DDB1: variants seen among roughly 807,000 people sequenced by gnomAD.
DDB1 encodes the protein damage specific DNA binding protein 1.
A neutral mutation model predicts 133.1 loss-of-function variants in DDB1; 18 were observed. The observed-to-expected ratio is 0.14, with a 90% CI of 0.09 to 0.20. DDB1 has a LOEUF of 0.20. Ranked by LOEUF, DDB1 falls within the 10% of genes least tolerant of loss-of-function variation. The pLI is 1.00. For synonymous variants in DDB1, 580 were observed against 550.5 expected (o/e 1.05, Z -0.75); for missense variants, 828 against 1,459.2 (o/e 0.57, Z 7.05).
In DDB1 at chr11:61,326,905, A is replaced by G. The variant is rs200189082; in HGVS notation, c.550-12T>C. 2.0e-5 allele frequency: 32 copies of G among 1,604,056 alleles called. No homozygotes were observed. Among genetic ancestry groups the G allele is most frequent in the Non-Finnish European group, 2.7e-5 (32 of 1,170,946 alleles). On this transcript the variant is annotated splice_polypyrimidine_tract_variant and intron_variant, in intron 4 of 26. Coordinates refer to ENST00000301764, the MANE Select transcript of DDB1 (RefSeq NM_001923.5). ...CGCCCCTGAGGGTCCTGGGGGGGAA[A>G]GGTAAAATGGTTAGCCCTTAGGAAG...
At chr11:61,332,178 A>C (rs1005092825) in intron 1 of DDB1, 1 of 160,526 alleles carries the variant, frequency 6.2e-6, no homozygotes. Flanking sequence ...GCAGTCTACC[A>C]ATACCTCCAT....
At chr11:61,303,334 T>C (rs533070053) in intron 22 of DDB1, 179 bp from the exon 23 acceptor site, 2 of 573,182 alleles carry the variant, frequency 3.5e-6, no homozygotes, top group Admixed American at 3.1e-5. Flanking sequence ...ACGCAGCCCA[T>C]TTGGTTGCCA....
intron 3 of DDB1, 75 bp from the exon 4 acceptor site, chr11:61,329,659 G>A (rs1856333276): frequency 1.4e-6 from 2 of 1,417,488 alleles, no homozygotes; most frequent in Non-Finnish European, 1.9e-6. Flanking sequence ...CACCACTTGT[G>A]CAGAAAAATT....
In DDB1 at chr11:61,332,981, A is replaced by T; in HGVS notation, c.-13T>A. 6.7e-7 allele frequency: 1 copy of T among 1,502,754 alleles called. No individual in the cohort carries two copies. The highest frequency in any genetic ancestry group is 8.9e-7 in the Non-Finnish European group (1 of 1,117,822). The allele number at this position is 1,502,754 out of a possible 1,614,324, so 93.1% of individuals were successfully genotyped here. A position where few individuals can be genotyped will look rare whatever the true frequency, so the allele number is the denominator to read the frequency against. ...AGTTGTACGACATGTCGAGGCTTGGAGCGGCCCGTCGGGACTCGAGCGCGA... is the reference window on the plus strand; with the variant it reads ...AGTTGTACGACATGTCGAGGCTTGGTGCGGCCCGTCGGGACTCGAGCGCGA... On this transcript the variant is annotated 5_prime_UTR_variant, in exon 1 of 27. Coordinates refer to ENST00000301764, the MANE Select transcript of DDB1 (RefSeq NM_001923.5).
rs146394965 is a variant in DDB1 at position 61,299,796 on chromosome 11, TAC to T, written c.*338_*339del. 0.011 allele frequency: 3,903 copies of T among 348,800 alleles called. 4 individuals carry two copies. The highest frequency in any genetic ancestry group is 0.016 in the Middle Eastern group (18 of 1,096). The allele number at this position is 348,800 out of a possible 1,614,324, so 21.6% of individuals were successfully genotyped here. On this transcript the variant is annotated 3_prime_UTR_variant, in exon 27 of 27. Transcript: ENST00000301764. ...TGAGATACACATACACACACACACATACACACACACACACGCACAGCTTCCTT... is the reference window on the plus strand; with the variant it reads ...TGAGATACACATACACACACACACATACACACACACACGCACAGCTTCCTT...
At chr11:61,304,167 G>C in intron 21 of DDB1, 132 bp from the exon 22 acceptor site, 1 of 830,228 alleles carries the variant, frequency 1.2e-6, no homozygotes, top group South Asian at 1.8e-5. Context: ...GGTTTTATGA[G>C]GCACTGGGGT....
At chr11:61,317,910 T>TA (rs1856118216) in intron 10 of DDB1, among the ~76,000 whole-genome samples, 1 of 152,206 alleles carries the variant, frequency 6.6e-6, no homozygotes, top group Non-Finnish European at 1.5e-5. Flanking sequence ...AGCCTTCTGG[T>TA]AAAGAGATGG....
chr11:61,313,466 T>C (rs770591627), intron 16 of DDB1, 33 bp downstream of exon 16: 81 of 1,588,350 alleles, frequency 5.1e-5, no homozygotes, highest in East Asian at 6.7e-5. Context: ...CCTCAATCAA[T>C]AGCTCTCATT....
At chr11:61,311,724 T>C in intron 18 of DDB1, 60 bp downstream of exon 18, 1 of 1,475,094 alleles carries the variant, frequency 6.8e-7, no homozygotes, top group African/African-American at 1.4e-5. Flanking sequence ...CTACCTGGCC[T>C]GTACAGAAAG....
In DDB1 at chr11:61,314,169, G is replaced by A; in HGVS notation, c.1631C>T (p.Thr544Ile). 6.2e-7 allele frequency: 1 copy of A among 1,612,330 alleles called. No individual in the cohort carries two copies. The highest frequency in any genetic ancestry group is 8.5e-7 in the Non-Finnish European group (1 of 1,179,180). Reference protein sequence around the residue: ...MEHEVACLDITPLGDSNGLSP... With the variant: ...MEHEVACLDIIPLGDSNGLSP... Reference sequence around the variant, plus strand: ...CAGTCCATTGCTGTCTCCTAATGGGGTGATGTCCAAGCAAGCCACTTCATG... The same window carrying A: ...CAGTCCATTGCTGTCTCCTAATGGGATGATGTCCAAGCAAGCCACTTCATG... The change falls in exon 14 of 27, where the codon ACC (threonine) becomes ATC (isoleucine). Residue 544 changes from threonine to isoleucine, a missense_variant. By Grantham distance (89) the Thr-to-Ile change is moderately conservative (BLOSUM62 -1). This residue lies in a region of DDB1 where 396 missense variants were observed against 554.1 expected (regional missense o/e 0.71). Transcript: ENST00000301764.
intron 23 of DDB1, 63 bp from the exon 24 acceptor site, chr11:61,302,814 G>T: frequency 6.2e-7 from 1 of 1,601,412 alleles, no homozygotes; most frequent in South Asian, 1.1e-5. Flanking sequence ...CCTGAGACAG[G>T]ACCACGTGCA....
At chr11:61,315,774 C>G (rs981301584) in intron 12 of DDB1, 1 of 152,770 alleles carries the variant, frequency 6.5e-6, no homozygotes, top group East Asian at 1.9e-4. Context: ...TATCTGCCCC[C>G]GTATTGCAGA....
In DDB1 at chr11:61,314,293, G is replaced by A; in HGVS notation, c.1589+15C>T. On this transcript the variant is annotated intron_variant, in intron 13 of 26. Transcript: ENST00000301764. The stretch of plus-strand genomic sequence containing the variant: ...AAAAGAGGAGGAAAGCGAGCAGACA[G>A]AAAAACACACACACCTGATCTGCCG... 3 of 1,602,172 alleles carry A rather than the reference G, an allele frequency of 1.9e-6. No homozygotes were observed. The highest frequency in any genetic ancestry group is 2.2e-5 in the South Asian group (2 of 89,420).
Position 61,300,928 on chromosome 11 carries a change from T to G in DDB1, c.3220A>C (p.Arg1074=). ...GTCTTCCGCTCGGTGTGAAAGGATC[T>G]CCAGGTGGATGGGTGAGTTAAGGAA... ...SVGKIEHSFW[R]SFHTERKTEP... Residue 1074 remains arginine, a synonymous_variant, in exon 26 of 27, where the codon AGA becomes CGA. Transcript: ENST00000301764. 1 of 1,614,152 alleles carries G rather than the reference T, an allele frequency of 6.2e-7. No individual in the cohort carries two copies. The highest frequency in any genetic ancestry group is 8.5e-7 in the Non-Finnish European group (1 of 1,180,022).
At chr11:61,319,553 T>TC in intron 10 of DDB1, among the ~76,000 whole-genome samples, 1 of 152,092 alleles carries the variant, frequency 6.6e-6, no homozygotes, top group East Asian at 1.9e-4. Context: ...TGCCTCAGCC[T>TC]CCCGAGTAGC....
chr11:61,332,618 C>G (rs556714851), intron 1 of DDB1: 43 of 343,164 alleles, frequency 1.3e-4, no homozygotes, highest in Non-Finnish European at 1.9e-4. Flanking sequence ...CAAACGACAC[C>G]GCACAACCAA....
In DDB1 at chr11:61,321,389, T is replaced by C. The variant is rs1856176199; in HGVS notation, c.1225+206A>G. On this transcript the variant is annotated intron_variant, in intron 10 of 26. Transcript: ENST00000301764. ...CTAGTCCTCTATTCCACTACCAATTTTGATCAGTAGTATTTTCTTTTTTTT... is the reference window on the plus strand; with the variant it reads ...CTAGTCCTCTATTCCACTACCAATTCTGATCAGTAGTATTTTCTTTTTTTT... 1.2e-5 allele frequency: 6 copies of C among 485,510 alleles called. No homozygotes were observed. The Admixed American group carries it at 2.1e-4, about 17-fold the overall frequency. 30.1% of individuals were successfully genotyped at this position (485,510 alleles called of 1,614,324 possible). A position where few individuals can be genotyped will look rare whatever the true frequency, so the allele number is the denominator to read the frequency against.
Position 61,309,900 on chromosome 11 carries a change from A to G in DDB1, c.2462T>C (p.Leu821Pro). 2 of 1,614,272 alleles carry G rather than the reference A, an allele frequency of 1.2e-6. No individual in the cohort carries two copies. The highest frequency in any genetic ancestry group is 1.7e-6 in the Non-Finnish European group (2 of 1,180,052). ...GAAGTAAGTGTTGGGGTCTTTGCCC[A>G]GCTTGCAGGAAACCAGACTGAGGGC... ...EYALSLVSCK[L>P]GKDPNTYFIV... Residue 821 changes from leucine (L) to proline (P), a missense_variant, in exon 20 of 27, where the codon CTG becomes CCG. Physicochemically the swap from Leu to Pro is moderately conservative, Grantham distance 98. Transcript: ENST00000301764.
At chr11:61,319,563 C>G (rs1318813773) in intron 10 of DDB1, among the ~76,000 whole-genome samples, 1 of 152,104 alleles carries the variant, frequency 6.6e-6, no homozygotes, top group Non-Finnish European at 1.5e-5. Context: ...TCCCGAGTAG[C>G]TGGGACTACA....
Sources: allele counts gnomAD v4.1 joint callset (sites outside exome capture counted in the v4.1 genomes callset), GRCh38; gene constraint gnomAD v4.1.1; regional missense constraint gnomAD v4.1.1; transcripts MANE v1.5; gene names NCBI Gene and HGNC (gene_info 2026-07-23, HGNC 2026-07-21).